ST3GAL3: variants seen among roughly 807,000 people sequenced by gnomAD.
ST3GAL3 encodes the protein CMP-N-acetylneuraminate-beta-1,4-galactoside alpha-2,3-sialyltransferase.
ST3GAL3 carries 21 observed loss-of-function variants against 50.1 expected under a neutral mutation model. The ratio of observed to expected loss-of-function variants is 0.42; its 90% CI spans 0.30 to 0.60. ST3GAL3 has a LOEUF of 0.60. Among genes scored for constraint, ST3GAL3 ranks in the 20% least tolerant of loss-of-function variants. ST3GAL3 has a pLI of 0.19. For missense variants in ST3GAL3, 353 were observed against 489.4 expected (o/e 0.72, Z 2.63); for synonymous variants, 183 against 190.0 (o/e 0.96, Z 0.30).
At chr1:43,840,658 G>A (rs2065228163) in intron 5 of ST3GAL3, 1 of 152,014 alleles carries the variant, frequency 6.6e-6, no homozygotes, top group Non-Finnish European at 1.5e-5. Flanking sequence ...GGGGCATCAC[G>A]GATCCTACCA....
At chr1:43,862,745 CAAAAAA>C (rs749080973) in intron 5 of ST3GAL3, among the ~76,000 whole-genome samples, 1 of 104,414 alleles carries the variant, frequency 9.6e-6, no homozygotes, top group Admixed American at 9.8e-5. Context: ...CTGTCTCTAC[CAAAAAA>C]AAAAAAAAAA....
At chr1:43,851,018 C>T (rs1289404542) in intron 5 of ST3GAL3, 1 of 846,390 alleles carries the variant, frequency 1.2e-6, no homozygotes, top group Non-Finnish European at 2.1e-6. Context: ...GGGGAGGGCA[C>T]CACGCCAGCT....
intron 2 of ST3GAL3, among the ~76,000 whole-genome samples, chr1:43,763,611 C>G: frequency 6.6e-6 from 1 of 152,056 alleles, no homozygotes; most frequent in Non-Finnish European, 1.5e-5. Flanking sequence ...TAGCAGTCAC[C>G]CTGAGCCACA....
At chr1:43,858,859 C>T (rs1266426736) in intron 5 of ST3GAL3, among the ~76,000 whole-genome samples, 1 of 152,230 alleles carries the variant, frequency 6.6e-6, no homozygotes, top group Non-Finnish European at 1.5e-5. Context: ...GCCTTGCCTC[C>T]CCACTGTGGA....
chr1:43,878,111 T>A (rs2074431059), intron 5 of ST3GAL3, among the ~76,000 whole-genome samples: 1 of 152,182 alleles, frequency 6.6e-6, no homozygotes, highest in East Asian at 1.9e-4. Flanking sequence ...CTCTCGCCTC[T>A]TCTGCCTCTG....
intron 3 of ST3GAL3, among the ~76,000 whole-genome samples, chr1:43,797,409 A>T (rs1020215937): frequency 4.6e-5 from 7 of 152,170 alleles, no homozygotes; most frequent in Non-Finnish European, 8.8e-5. Context: ...TCCATATGAA[A>T]TTTTTGAAGA....
At chr1:43,870,145 T>C (rs2154245104) in intron 5 of ST3GAL3, among the ~76,000 whole-genome samples, 1 of 152,236 alleles carries the variant, frequency 6.6e-6, no homozygotes, top group East Asian at 1.9e-4. Flanking sequence ...ACTCAAACTC[T>C]AAACCTCAGT....
chr1:43,725,559 T>A (rs1672558032), intron 1 of ST3GAL3, among the ~76,000 whole-genome samples: 1 of 152,192 alleles, frequency 6.6e-6, no homozygotes, highest in African/African-American at 2.4e-5. Flanking sequence ...GAATTCTCTG[T>A]CTTAAATCTA....
chr1:43,753,314 A>G (rs1009134679), intron 2 of ST3GAL3, among the ~76,000 whole-genome samples: 4 of 152,244 alleles, frequency 2.6e-5, no homozygotes, highest in East Asian at 1.9e-4. Flanking sequence ...ACACTCCAGT[A>G]AAGTGCTATT....
intron 11 of ST3GAL3, among the ~76,000 whole-genome samples, chr1:43,926,760 T>G (rs1179294189): frequency 6.6e-6 from 1 of 152,146 alleles, no homozygotes; most frequent in Non-Finnish European, 1.5e-5. Flanking sequence ...TCAGAAGTTG[T>G]CTGCATAGAA....
chr1:43,908,186 T>C (rs2154282085), intron 9 of ST3GAL3, among the ~76,000 whole-genome samples: 1 of 152,330 alleles, frequency 6.6e-6, no homozygotes, highest in East Asian at 1.9e-4. Flanking sequence ...AGTCTCCAGA[T>C]CTTTCATTCT....
chr1:43,929,167 A>C (rs1389061595), intron 11 of ST3GAL3, among the ~76,000 whole-genome samples: 3 of 152,236 alleles, frequency 2.0e-5, no homozygotes, highest in Non-Finnish European at 4.4e-5. Flanking sequence ...AACTATAGTC[A>C]AATGTGCTCA....
intron 3 of ST3GAL3, among the ~76,000 whole-genome samples, chr1:43,814,039 T>C (rs3791063): frequency 0.4 from 60,076 of 152,000 alleles, 12,224 homozygotes; most frequent in East Asian, 0.59. Context: ...CAAGTCTTAG[T>C]ATCAAGAATA....
chr1:43,741,790 G>T (rs944523114), intron 2 of ST3GAL3, among the ~76,000 whole-genome samples: 1 of 152,182 alleles, frequency 6.6e-6, no homozygotes, highest in Non-Finnish European at 1.5e-5. Context: ...TAAAATTTCA[G>T]TTCCTAAGAG....
chr1:43,709,382 ACTTTTT>A (rs925020277), intron 1 of ST3GAL3: 22 of 151,930 alleles, frequency 1.4e-4, no homozygotes, highest in African/African-American at 5.1e-4. Context: ...TGTCATTGTC[ACTTTTT>A]CTTTTTTCTT....
intron 5 of ST3GAL3, among the ~76,000 whole-genome samples, chr1:43,890,564 A>T (rs1311652670): frequency 6.6e-6 from 1 of 152,202 alleles, no homozygotes; most frequent in Admixed American, 6.5e-5. Context: ...GCCTGATAAA[A>T]GAGAGAGACG....
intron 6 of ST3GAL3, among the ~76,000 whole-genome samples, chr1:43,896,279 C>T (rs2077377223): frequency 6.6e-6 from 1 of 150,690 alleles, no homozygotes; most frequent in Non-Finnish European, 1.5e-5. Flanking sequence ...CAGTCCTTAA[C>T]ATGACCTCTC....
intron 9 of ST3GAL3, among the ~76,000 whole-genome samples, chr1:43,914,878 C>T (rs573322922): frequency 6.6e-6 from 1 of 152,234 alleles, no homozygotes; most frequent in Non-Finnish European, 1.5e-5. Context: ...ACATCTGGCC[C>T]ACCCAAGAGG....
In ST3GAL3 at chr1:43,857,531, TTCCC is replaced by T. The variant is rs1270403984; in HGVS notation, c.302+19234_302+19237del. Among the ~76,000 whole-genome samples the T allele has an allele frequency of 2.1e-4, 25 of 118,194 alleles. 1 individual carries two copies. Among genetic ancestry groups the T allele is most frequent in the Admixed American group, 5.8e-4 (7 of 12,012 alleles). The allele number at this position is 118,194 out of a possible 152,430, so 77.5% of individuals were successfully genotyped here. A position where few individuals can be genotyped will look rare whatever the true frequency, so the allele number is the denominator to read the frequency against. On this transcript the variant is annotated intron_variant, in intron 5 of 11. Coordinates refer to ENST00000347631, the MANE Select transcript of ST3GAL3 (RefSeq NM_006279.5). Reference sequence around the variant, plus strand: ...CCTTCCTTCCTTCCTTCCCTCCTCCTTCCCTCCCTCCCTCCCTTCCTTCCTTTCC... The same window carrying T: ...CCTTCCTTCCTTCCTTCCCTCCTCCTTCCCTCCCTCCCTTCCTTCCTTTCC...
Sources: gnomAD v4.1 joint callset for allele counts (sites outside exome capture counted in the v4.1 genomes callset) on GRCh38, gnomAD v4.1.1 for gene constraint, MANE v1.5 for transcripts, NCBI Gene and HGNC (gene_info 2026-07-23, HGNC 2026-07-21) for gene names.